DIPK1A: variants seen among roughly 807,000 people sequenced by gnomAD.
DIPK1A encodes family with sequence similarity 69 member A.
DIPK1A carries 27 observed loss-of-function variants against 40.8 expected under a neutral mutation model. That is an observed-to-expected ratio of 0.66 (90% confidence interval 0.49 to 0.91). The LOEUF (loss-of-function observed/expected upper bound fraction) is 0.91, where lower values mean the gene tolerates loss of function less well. DIPK1A is among the 40% of genes least tolerant of loss of function. The pLI is 0.00. For synonymous variants in DIPK1A, 166 were observed against 171.3 expected, an observed-to-expected ratio of 0.97 and a Z score of 0.24; for missense variants, 412 against 505.7, an observed-to-expected ratio of 0.81 and a Z score of 1.78.
chr1:92,945,860 C>T (rs895282883), intron 1 of DIPK1A, among the ~76,000 whole-genome samples: 18 of 152,182 alleles, frequency 1.2e-4, no homozygotes, highest in Non-Finnish European at 2.1e-4. Flanking sequence ...ACAAATACTG[C>T]ATATTGACTG....
At chr1:92,924,671 T>C (rs914990523) in intron 1 of DIPK1A, among the ~76,000 whole-genome samples, 4 of 152,190 alleles carry the variant, frequency 2.6e-5, no homozygotes, top group Non-Finnish European at 4.4e-5. Flanking sequence ...CAAGACTGCA[T>C]TCTTCGAACA....
chr1:92,856,898 C>T (rs1422441348), intron 2 of DIPK1A, among the ~76,000 whole-genome samples: 2 of 151,972 alleles, frequency 1.3e-5, no homozygotes, highest in Non-Finnish European at 2.9e-5. Context: ...TGGGTAAGAA[C>T]GTTAATGCCC....
intron 4 of DIPK1A, chr1:92,833,792 T>C (rs1363085577): frequency 4.1e-6 from 3 of 729,438 alleles, no homozygotes; most frequent in Non-Finnish European, 7.0e-6. Flanking sequence ...ATTTTTCCTT[T>C]TAGTAGGTCT....
At chr1:92,958,518 A>C (rs1286775962) in intron 1 of DIPK1A, among the ~76,000 whole-genome samples, 13 of 152,172 alleles carry the variant, frequency 8.5e-5, no homozygotes, top group Non-Finnish European at 1.2e-4. Context: ...TGTGAAATAA[A>C]TCCAACTTCT....
intron 1 of DIPK1A, among the ~76,000 whole-genome samples, chr1:92,946,642 T>C (rs1280273092): frequency 6.6e-6 from 1 of 152,186 alleles, no homozygotes; most frequent in Non-Finnish European, 1.5e-5. Context: ...CTAAACTTGA[T>C]AAATCAAGAA....
At position 92,842,686 on chromosome 1, in the gene DIPK1A, G is replaced by T. The variant is rs541201916; in HGVS notation, c.*697C>A. The T allele has an allele frequency of 1.0e-6, 1 of 985,354 alleles. No individual in the cohort carries two copies. The allele number at this position is 985,354 out of a possible 1,614,324, so 61.0% of individuals were successfully genotyped here. On this transcript the variant is annotated 3_prime_UTR_variant, in exon 5 of 5. Transcript: ENST00000370310. Reference sequence around the variant, plus strand: ...GGGCCTTAAGATGTCAGTTTTGAAGGGCTCAGTCAGCTGCGTGATACTAAG... The same window carrying T: ...GGGCCTTAAGATGTCAGTTTTGAAGTGCTCAGTCAGCTGCGTGATACTAAG...
chr1:92,958,779 C>A (rs1651943997), intron 1 of DIPK1A, among the ~76,000 whole-genome samples: 1 of 152,106 alleles, frequency 6.6e-6, no homozygotes, highest in African/African-American at 2.4e-5. Flanking sequence ...GAGACCCATC[C>A]AAATCACAGT....
At chr1:92,950,610 G>A (rs1651592709) in intron 1 of DIPK1A, among the ~76,000 whole-genome samples, 1 of 152,170 alleles carries the variant, frequency 6.6e-6, no homozygotes, top group Non-Finnish European at 1.5e-5. Flanking sequence ...AAGTTATTTG[G>A]GAGGCGGGAG....
At chr1:92,886,554 T>C (rs561573849) in intron 1 of DIPK1A, among the ~76,000 whole-genome samples, 3 of 152,184 alleles carry the variant, frequency 2.0e-5, no homozygotes, top group African/African-American at 4.8e-5. Context: ...TATAACATTT[T>C]ACAGCACAGG....
chr1:92,840,866 T>A, downstream of DIPK1A: 1 of 640,910 alleles, frequency 1.6e-6, no homozygotes, highest in Non-Finnish European at 2.9e-6. Context: ...TACTGGTTAC[T>A]GCATTTTTTT....
intron 1 of DIPK1A, among the ~76,000 whole-genome samples, chr1:92,893,741 C>T (rs1225878052): frequency 6.6e-6 from 1 of 151,998 alleles, no homozygotes; most frequent in African/African-American, 2.4e-5. Context: ...CATCAGTGTG[C>T]TGTATTCAGG....
intron 1 of DIPK1A, among the ~76,000 whole-genome samples, chr1:92,960,499 T>TTGCGCTCAA (rs1652028813): frequency 6.6e-6 from 1 of 152,130 alleles, no homozygotes; most frequent in Admixed American, 6.5e-5. Context: ...AGTGATGGAT[T>TTGCGCTCAA]TGCGCTCAGC....
intron 1 of DIPK1A, among the ~76,000 whole-genome samples, chr1:92,920,641 G>A (rs1159590620): frequency 1.3e-5 from 2 of 152,224 alleles, no homozygotes; most frequent in African/African-American, 4.8e-5. Flanking sequence ...TACCTTAGAA[G>A]ATTAACAGAT....
At chr1:92,952,261 C>G (rs1651662414) in intron 1 of DIPK1A, among the ~76,000 whole-genome samples, 1 of 152,088 alleles carries the variant, frequency 6.6e-6, no homozygotes, top group Non-Finnish European at 1.5e-5. Flanking sequence ...TATGTATATA[C>G]AAACATTTTT....
intron 2 of DIPK1A, among the ~76,000 whole-genome samples, chr1:92,861,216 A>G (rs1215336787): frequency 6.6e-6 from 1 of 152,050 alleles, no homozygotes; most frequent in Non-Finnish European, 1.5e-5. Context: ...TTATCAGGTT[A>G]AGAAAGTTCC....
chr1:92,899,924 A>G (rs1571106833), intron 1 of DIPK1A, among the ~76,000 whole-genome samples: 1 of 147,062 alleles, frequency 6.8e-6, no homozygotes, highest in African/African-American at 2.5e-5. Flanking sequence ...CTGGCTGGCT[A>G]TTTTTTTTTT....
Position 92,843,529 on chromosome 1 carries a change from C to T in DIPK1A, c.1141G>A (p.Glu381Lys), listed in dbSNP as rs747790237. The T allele has an allele frequency of 1.3e-6, 2 of 1,551,998 alleles. No homozygotes were observed. The highest frequency in any genetic ancestry group is 2.4e-5 in the South Asian group (2 of 84,054). The change falls in exon 5 of 5, where the codon GAA becomes AAA. Residue 381 changes from glutamate (E) to lysine (K), a missense_variant. Coordinates refer to ENST00000370310, the MANE Select transcript of DIPK1A (RefSeq NM_001006605.5). Reference protein sequence around the residue: ...KDYLLRGAPSEIREELEKQLY... With the variant: ...KDYLLRGAPSKIREELEKQLY... The stretch of plus-strand genomic sequence containing the variant: ...TGCTTTTCTAATTCTTCACGAATTT[C>T]ACTTGGAGCACCACGCAGTAGGTAG...
intron 1 of DIPK1A, among the ~76,000 whole-genome samples, chr1:92,910,045 C>T (rs1171290352): frequency 6.6e-6 from 1 of 152,112 alleles, no homozygotes; most frequent in Non-Finnish European, 1.5e-5. Context: ...ATCTAAGAAC[C>T]TAGGGCAAGC....
rs974052671 is a variant in DIPK1A, at chr1:92,928,992, T to G, written c.54+32384A>C. Among the ~76,000 whole-genome samples, 5 of 151,958 alleles carry G rather than the reference T, an allele frequency of 3.3e-5. No individual in the cohort carries two copies. In the East Asian group the frequency reaches 9.7e-4, roughly 29 times the overall value. On this transcript the variant is annotated intron_variant, in intron 1 of 4. Coordinates refer to ENST00000370310, the MANE Select transcript of DIPK1A (RefSeq NM_001006605.5). ...AAAAAAAAAGAAAAAAAGAAAAAAT[T>G]TCTCTTTCTCTGTTTGAGGTTTCCT...
Sources: allele counts gnomAD v4.1 joint callset (sites outside exome capture counted in the v4.1 genomes callset), GRCh38; gene constraint gnomAD v4.1.1; transcripts MANE v1.5; gene names NCBI Gene and HGNC (gene_info 2026-07-23, HGNC 2026-07-21).